The following TRIM24 variants were observed in gnomAD, a reference collection of about 807,000 sequenced individuals.
The protein encoded by TRIM24 is tripartite motif containing 24.
A neutral mutation model predicts 123.9 loss-of-function variants in TRIM24; 29 were observed. That is an observed-to-expected ratio of 0.23 (90% confidence interval 0.17 to 0.32). The LOEUF is 0.32. Ranked by LOEUF, TRIM24 falls within the 10% of genes least tolerant of loss-of-function variation. The probability of loss-of-function intolerance (pLI) is 1.00; values close to 1 mark genes in which losing one functional copy is unlikely to be tolerated. For missense variants in TRIM24, 932 were observed against 1,295.3 expected (o/e 0.72, Z 4.31); for synonymous variants, 456 against 461.1 (o/e 0.99, Z 0.14).
At chr7:138,531,261 CAT>C (rs899182628) in intron 6 of TRIM24, among the ~76,000 whole-genome samples, 17 of 151,922 alleles carry the variant, frequency 1.1e-4, no homozygotes, top group African/African-American at 2.9e-4. Context: ...ACATATGTTA[CAT>C]ATGTTTACAT....
intron 14 of TRIM24, 135 bp from the exon 15 acceptor site, chr7:138,579,069 A>G: frequency 1.6e-6 from 1 of 630,902 alleles, no homozygotes; most frequent in Non-Finnish European, 2.6e-6. Context: ...CCAGTTAGCA[A>G]TAAACATATA....
intron 3 of TRIM24, among the ~76,000 whole-genome samples, chr7:138,517,712 A>C (rs1035205701): frequency 2.8e-4 from 42 of 152,206 alleles, no homozygotes; most frequent in African/African-American, 9.4e-4. Flanking sequence ...GACACTATTG[A>C]CATTTTGAGC....
At chr7:138,494,973 G>T (rs1795870631) in intron 1 of TRIM24, among the ~76,000 whole-genome samples, 1 of 152,196 alleles carries the variant, frequency 6.6e-6, no homozygotes, top group Non-Finnish European at 1.5e-5. Context: ...AAAAAAGAAT[G>T]CAGGTAGATC....
At chr7:138,525,876 T>A (rs1796597773) in intron 5 of TRIM24, among the ~76,000 whole-genome samples, 3 of 152,240 alleles carry the variant, frequency 2.0e-5, no homozygotes, top group African/African-American at 7.2e-5. Flanking sequence ...CAATTACTTG[T>A]TATGCCTTTT....
In TRIM24 at chr7:138,587,699, G is replaced by A. The variant is rs1426906998; in HGVS notation, c.*2748G>A. 6.6e-6 allele frequency: 1 copy of A among 152,136 alleles called. No homozygotes were observed. Among genetic ancestry groups the A allele is most frequent in the Admixed American group, 6.5e-5 (1 of 15,272 alleles). 9.4% of individuals were successfully genotyped at this position (152,136 alleles called of 1,614,324 possible). A position where few individuals can be genotyped will look rare whatever the true frequency, so the allele number is the denominator to read the frequency against. On this transcript the variant is annotated 3_prime_UTR_variant, in exon 19 of 19. Transcript: ENST00000343526. ...ATTGCTGAATGTTTATCACACTTCT[G>A]GCTAGGGCTTATGGATGAGCAGACC...
rs528374968 is a variant in TRIM24 at position 138,574,518 on chromosome 7, T to C, written c.2014+876T>C. Among the ~76,000 whole-genome samples the C allele has an allele frequency of 2.6e-5, 4 of 152,310 alleles. No homozygotes were observed. In the South Asian group the frequency reaches 8.3e-4, roughly 32 times the overall value. ...TGGTATTGCCAAAGGACATGATAAGTAGATAATTCCCTAAAGAGGAAATAC... is the reference window on the plus strand; with the variant it reads ...TGGTATTGCCAAAGGACATGATAAGCAGATAATTCCCTAAAGAGGAAATAC... On this transcript the variant is annotated intron_variant, in intron 12 of 18. Coordinates refer to ENST00000343526, the MANE Select transcript of TRIM24 (RefSeq NM_015905.3).
At chr7:138,485,304 G>A (rs1402464719) in intron 1 of TRIM24, among the ~76,000 whole-genome samples, 1 of 151,316 alleles carries the variant, frequency 6.6e-6, no homozygotes, top group Non-Finnish European at 1.5e-5. Flanking sequence ...ATAGTGTTCT[G>A]TAACTTTCAC....
chr7:138,519,353 C>G, intron 4 of TRIM24, 32 bp downstream of exon 4: 2 of 1,564,532 alleles, frequency 1.3e-6, no homozygotes, highest in Non-Finnish European at 1.7e-6. Flanking sequence ...TATATAGATT[C>G]ATATGCAGCT....
chr7:138,516,813 G>GT (rs77546595), intron 3 of TRIM24, among the ~76,000 whole-genome samples: 16,420 of 132,352 alleles, frequency 0.12, 999 homozygotes, highest in South Asian at 0.2. Flanking sequence ...AAACCGTTTT[G>GT]TTTTTTTTTT....
chr7:138,582,442 T>C (rs1378836396), intron 17 of TRIM24, among the ~76,000 whole-genome samples: 2 of 150,576 alleles, frequency 1.3e-5, no homozygotes, highest in East Asian at 3.9e-4. Flanking sequence ...CTCGGGAGGC[T>C]GAGGCAGGAG....
intron 5 of TRIM24, among the ~76,000 whole-genome samples, chr7:138,526,419 T>G (rs1796611238): frequency 1.3e-5 from 2 of 152,172 alleles, no homozygotes; most frequent in South Asian, 4.1e-4. Flanking sequence ...AGCTCTCATT[T>G]GTTTTTACCT....
At chr7:138,464,186 C>T (rs992386903) in intron 1 of TRIM24, among the ~76,000 whole-genome samples, 1 of 151,056 alleles carries the variant, frequency 6.6e-6, no homozygotes, top group Non-Finnish European at 1.5e-5. Flanking sequence ...TTAGTAGAGA[C>T]GGGGTTTCAC....
rs368558410 is a variant in TRIM24, at chr7:138,463,018, C to T, written c.364+2106C>T. Among the ~76,000 whole-genome samples, 14 of 146,502 alleles carry T rather than the reference C, an allele frequency of 9.6e-5. No individual in the cohort carries two copies. In the East Asian group the frequency reaches 2.0e-3, roughly 21 times the overall value. ...CCGAGTAGCTGGGATTACAGGCATG[C>T]GCCACCACGTCCGGCTAATTTTGTG... On this transcript the variant is annotated intron_variant, in intron 1 of 18. Transcript: ENST00000343526.
At chr7:138,543,159 G>A (rs1049168761) in intron 7 of TRIM24, among the ~76,000 whole-genome samples, 2 of 152,022 alleles carry the variant, frequency 1.3e-5, no homozygotes, top group African/African-American at 4.8e-5. Flanking sequence ...ATTGTATTAT[G>A]GAGAAAATAA....
chr7:138,536,710 C>T (rs938524502), intron 6 of TRIM24, among the ~76,000 whole-genome samples: 29 of 152,210 alleles, frequency 1.9e-4, no homozygotes, highest in Non-Finnish European at 3.7e-4. Context: ...TCTCAAACTC[C>T]GTGCTAGGAG....
chr7:138,537,379 GTTTTTTTTTTTTTTT>G (rs71177994), intron 6 of TRIM24, among the ~76,000 whole-genome samples: 3 of 56,634 alleles, frequency 5.3e-5, no homozygotes, highest in East Asian at 7.2e-4. Context: ...ACCCCTGTTT[GTTTTTTTTTTTTTTT>G]TTTTTTTTTT....
chr7:138,526,370 A>G (rs1014597197), intron 5 of TRIM24, among the ~76,000 whole-genome samples: 1 of 152,036 alleles, frequency 6.6e-6, no homozygotes, highest in Non-Finnish European at 1.5e-5. Context: ...GTTTATTATT[A>G]TGCATTATGT....
intron 6 of TRIM24, among the ~76,000 whole-genome samples, chr7:138,535,283 T>TTG (rs1796844125): frequency 6.6e-6 from 1 of 152,136 alleles, no homozygotes; most frequent in African/African-American, 2.4e-5. Context: ...TATTTTGCCC[T>TTG]TTAGTTGATG....
At chr7:138,528,865 G>A (rs528328077) in intron 5 of TRIM24, among the ~76,000 whole-genome samples, 2 of 134,710 alleles carry the variant, frequency 1.5e-5, no homozygotes, top group South Asian at 2.3e-4. Context: ...TTCTTAAAAT[G>A]TACTCATTCT....
Sources: gnomAD v4.1 joint callset for allele counts (sites outside exome capture counted in the v4.1 genomes callset) on GRCh38, gnomAD v4.1.1 for gene constraint, MANE v1.5 for transcripts, NCBI Gene and HGNC (gene_info 2026-07-23, HGNC 2026-07-21) for gene names.